The following PCDHGA11 variants were observed in gnomAD, a reference collection of about 807,000 sequenced individuals.
PCDHGA11 encodes the protein protocadherin gamma-A11.
Under a neutral mutation model 60.4 loss-of-function variants are expected in PCDHGA11, and 39 were observed. The ratio of observed to expected loss-of-function variants is 0.65; its 90% CI spans 0.50 to 0.84. The LOEUF is 0.84. Among genes scored for constraint, PCDHGA11 ranks in the 40% least tolerant of loss-of-function variants. The pLI is 0.00. For synonymous variants in PCDHGA11, 533 were observed against 510.3 expected (o/e 1.04, Z -0.60); for missense variants, 1,165 against 1,197.7 (o/e 0.97, Z 0.40).
chr5:141,468,049 G>C (rs2099156671), intron 1 of PCDHGA11, among the ~76,000 whole-genome samples: 1 of 152,068 alleles, frequency 6.6e-6, no homozygotes, highest in African/African-American at 2.4e-5. Context: ...ACTAAGCCGG[G>C]CACAGTGGCT....
chr5:141,433,408 A>ATCTATCT (rs1413347413), intron 1 of PCDHGA11, among the ~76,000 whole-genome samples: 44 of 127,346 alleles, frequency 3.5e-4, no homozygotes, highest in African/African-American at 1.2e-3. Context: ...TCTATCTATT[A>ATCTATCT]CTTTCTTGTA....
At chr5:141,450,982 A>G (rs746572732) in intron 1 of PCDHGA11, among the ~76,000 whole-genome samples, 18 of 151,360 alleles carry the variant, frequency 1.2e-4, no homozygotes, top group Non-Finnish European at 1.9e-4. Context: ...GTGCCACCAC[A>G]CCCGGCTAAT....
rs1229317913 is a variant in PCDHGA11 at position 141,489,752 on chromosome 5, C to T, written c.2434-5055C>T. ...GGCACCAATACTGTGAGCTTTTACACTCTAAGCCCCAACAGCCACTTCTCT... is the reference window on the plus strand; with the variant it reads ...GGCACCAATACTGTGAGCTTTTACATTCTAAGCCCCAACAGCCACTTCTCT... On this transcript the variant is annotated intron_variant, in intron 1 of 3. Transcript: ENST00000398587. The surrounding 1 kb of genome is among the most constrained non-coding windows in gnomAD (Gnocchi z 4.5). 1.2e-6 allele frequency: 2 copies of T among 1,614,018 alleles called. No individual in the cohort carries two copies. Among genetic ancestry groups the T allele is most frequent in the Non-Finnish European group, 1.7e-6 (2 of 1,179,980 alleles).
chr5:141,489,094 G>GAAT lies in PCDHGA11; in HGVS notation c.2434-5711_2434-5710insTAA, dbSNP rs2154581134. 5.1e-6 allele frequency: 2 copies of GAAT among 396,028 alleles called. No homozygotes were observed. Among genetic ancestry groups the GAAT allele is most frequent in the Non-Finnish European group, 9.0e-6 (2 of 221,296 alleles). 24.5% of individuals were successfully genotyped at this position (396,028 alleles called of 1,614,324 possible). Reference sequence around the variant, plus strand: ...CCCACCCCCGCCACTCGGTGACTAAGAACTGCTGCAAGCAGGCAAACCTCC... The same window carrying GAAT: ...CCCACCCCCGCCACTCGGTGACTAAGAATAACTGCTGCAAGCAGGCAAACCTCC... On this transcript the variant is annotated intron_variant, in intron 1 of 3. Coordinates refer to ENST00000398587, the MANE Select transcript of PCDHGA11 (RefSeq NM_018914.3). The surrounding 1 kb of genome is among the most constrained non-coding windows in gnomAD (Gnocchi z 4.5).
intron 1 of PCDHGA11, among the ~76,000 whole-genome samples, chr5:141,434,703 G>C (rs1198306104): frequency 6.6e-6 from 1 of 151,730 alleles, no homozygotes; most frequent in Non-Finnish European, 1.5e-5. Context: ...TAAATATGTG[G>C]GTAAATCTCT....
intron 1 of PCDHGA11, chr5:141,428,099 C>T: frequency 6.8e-6 from 11 of 1,608,710 alleles, no homozygotes; most frequent in East Asian, 2.2e-5. Context: ...TGTCCTACCA[C>T]GTGCTGCAGG....
Position 141,486,059 on chromosome 5 carries a change from C to A in PCDHGA11, c.2434-8748C>A. On this transcript the variant is annotated intron_variant, in intron 1 of 3. Transcript: ENST00000398587. This position sits in a 1 kb window ranked among gnomAD's most constrained non-coding sequence, Gnocchi z 5.0. ...TCGTGTAAGAAACCTCTTTAGCCTG[C>A]ACCCCACTACTGGAAAGCTTACTCT... 1 of 1,614,152 alleles carries A rather than the reference C, an allele frequency of 6.2e-7. No homozygotes were observed. Among genetic ancestry groups the A allele is most frequent in the Non-Finnish European group, 8.5e-7 (1 of 1,180,010 alleles).
intron 1 of PCDHGA11, among the ~76,000 whole-genome samples, chr5:141,443,812 G>A (rs1441798548): frequency 6.6e-6 from 1 of 151,990 alleles, no homozygotes; most frequent in Admixed American, 6.6e-5. Flanking sequence ...AGTTACCTTT[G>A]GAAAACATAA....
chr5:141,458,249 GCT>G (rs1291613361), intron 1 of PCDHGA11, among the ~76,000 whole-genome samples: 1 of 152,136 alleles, frequency 6.6e-6, no homozygotes, highest in African/African-American at 2.4e-5. Flanking sequence ...AAATGATACG[GCT>G]CTGATGAGTG....
intron 1 of PCDHGA11, among the ~76,000 whole-genome samples, chr5:141,450,022 T>TTTTC: frequency 6.7e-6 from 1 of 149,424 alleles, no homozygotes; most frequent in Admixed American, 6.7e-5. Context: ...TTTTTTTTTT[T>TTTTC]TTGAGACAGG....
At chr5:141,495,213 C>T (rs568314100) in intron 2 of PCDHGA11, among the ~76,000 whole-genome samples, 1 of 152,326 alleles carries the variant, frequency 6.6e-6, no homozygotes, top group South Asian at 2.1e-4. Flanking sequence ...AACCCCCTCC[C>T]CTGAGTTGAG....
At chr5:141,441,298 T>C (rs1289976355) in intron 1 of PCDHGA11, 1 of 152,150 alleles carries the variant, frequency 6.6e-6, no homozygotes, top group Non-Finnish European at 1.5e-5. Flanking sequence ...ATGTCTGATA[T>C]AAGAAAATGC....
Position 141,422,925 on chromosome 5 carries a change from T to C in PCDHGA11, c.1698T>C (p.Pro566=), listed in dbSNP as rs568894245. ...ACAATGCGCCCGAGATCCTGTACCC[T>C]GCCCTCCCCACAGACGGCTCCACTG... ...QNDNAPEILY[P]ALPTDGSTGV... is the part of the protein sequence containing the mutation. The change falls in exon 1 of 4, where the codon CCT becomes CCC. Residue 566 remains proline (P), a synonymous_variant. Transcript: ENST00000398587. 1.4e-4 allele frequency: 220 copies of C among 1,614,202 alleles called. 2 individuals are homozygous for C. The South Asian group carries it at 2.2e-3, about 16-fold the overall frequency.
At chr5:141,470,511 A>T (rs1043414941) in intron 1 of PCDHGA11, among the ~76,000 whole-genome samples, 37 of 152,198 alleles carry the variant, frequency 2.4e-4, no homozygotes, top group African/African-American at 8.7e-4. Flanking sequence ...TTAGACAGTT[A>T]GCTAATATTA....
chr5:141,509,691 AC>A (rs1471858383), intron 3 of PCDHGA11, among the ~76,000 whole-genome samples: 5 of 152,064 alleles, frequency 3.3e-5, no homozygotes, highest in African/African-American at 1.2e-4. Flanking sequence ...GTACAGTGGG[AC>A]GTTGGACTGG....
chr5:141,444,525 C>T (rs2098439670), intron 1 of PCDHGA11, among the ~76,000 whole-genome samples: 1 of 152,062 alleles, frequency 6.6e-6, no homozygotes, highest in African/African-American at 2.4e-5. Context: ...GTAGGTGAGA[C>T]AGTGACTGTG....
chr5:141,426,394 A>G (rs1353766048), intron 1 of PCDHGA11: 1 of 258,122 alleles, frequency 3.9e-6, no homozygotes, highest in African/African-American at 2.2e-5. Flanking sequence ...CCGCTACTCT[A>G]TTCCAGAAGA....
Position 141,423,026 on chromosome 5 carries a change from G to A in PCDHGA11, c.1799G>A (p.Gly600Asp). ...TKVVAVDKDS[G>D]QNAWLSYRLL... ...GTGGTTGCGGTGGACAAAGATTCAG[G>A]CCAGAACGCCTGGCTGTCCTATCGC... The change falls in exon 1 of 4, where the codon GGC becomes GAC. Residue 600 changes from glycine (G) to aspartate (D), a missense_variant. By Grantham distance (94) the Gly-to-Asp change is moderately conservative. Transcript: ENST00000398587. The A allele has an allele frequency of 1.2e-6, 2 of 1,614,210 alleles. No individual in the cohort carries two copies. The highest frequency in any genetic ancestry group is 1.3e-5 in the African/African-American group (1 of 75,068).
intron 1 of PCDHGA11, among the ~76,000 whole-genome samples, chr5:141,433,397 A>ATCTC (rs1179042498): frequency 6.6e-6 from 1 of 150,410 alleles, no homozygotes; most frequent in African/African-American, 2.5e-5. Flanking sequence ...CTATCTATCT[A>ATCTC]TCTATCTATT....
Sources: allele counts gnomAD v4.1 joint callset (sites outside exome capture counted in the v4.1 genomes callset), GRCh38; gene constraint gnomAD v4.1.1; non-coding constraint Gnocchi (gnomAD v3.1); transcripts MANE v1.5; gene names NCBI Gene and HGNC (gene_info 2026-07-23, HGNC 2026-07-21).